The following ASMTL variants were observed in gnomAD, a reference collection of about 807,000 sequenced individuals.
ASMTL encodes the protein probable bifunctional dTTP/UTP pyrophosphatase/methyltransferase protein.
A neutral mutation model predicts 60.3 loss-of-function variants in ASMTL; 57 were observed. The observed-to-expected ratio is 0.95, with a 90% CI of 0.76 to 1.18. The LOEUF (loss-of-function observed/expected upper bound fraction) is 1.18, where lower values mean the gene tolerates loss of function less well. ASMTL is among the 50% of genes most tolerant of loss of function. The probability of loss-of-function intolerance (pLI) is 0.00; values close to 1 mark genes in which losing one functional copy is unlikely to be tolerated. For missense variants in ASMTL, 981 were observed against 852.6 expected (o/e 1.15, Z -1.88); for synonymous variants, 419 against 373.0 (o/e 1.12, Z -1.42).
rs185672305 is a variant in ASMTL, at chrX:1,403,880, A to G, written c.1646-391T>C. Among the ~76,000 whole-genome samples the G allele has an allele frequency of 2.4e-3, 362 of 152,194 alleles. 2 individuals are homozygous for G. Among genetic ancestry groups the G allele is most frequent in the African/African-American group, 8.3e-3 (345 of 41,514 alleles). Reference sequence around the variant, plus strand: ...AAGTGATGGGGAGGTACATGGATGGATGGATAGATGGATGCATGTATGAGA... The same window carrying G: ...AAGTGATGGGGAGGTACATGGATGGGTGGATAGATGGATGCATGTATGAGA... On this transcript the variant is annotated intron_variant, in intron 12 of 12. Coordinates refer to ENST00000381317, the MANE Select transcript of ASMTL (RefSeq NM_004192.4).
chrX:1,417,523 G>A (rs1177776599), intron 11 of ASMTL, among the ~76,000 whole-genome samples: 5 of 149,084 alleles, frequency 3.4e-5, no homozygotes, highest in Admixed American at 1.3e-4. Flanking sequence ...ACACAGACAT[G>A]CACACACACA....
chrX:1,447,166 G>A (rs1226140955), intron 1 of ASMTL, among the ~76,000 whole-genome samples: 4 of 152,162 alleles, frequency 2.6e-5, no homozygotes, highest in Admixed American at 1.3e-4. Flanking sequence ...TTGGTGACCC[G>A]TAATAACCAC....
chrX:1,418,901 T>G, intron 10 of ASMTL, 81 bp downstream of exon 10: 1 of 1,562,048 alleles, frequency 6.4e-7, no homozygotes, highest in Non-Finnish European at 8.8e-7. Flanking sequence ...AAAAAGGCAG[T>G]TGGTAGGTGT....
intron 3 of ASMTL, among the ~76,000 whole-genome samples, chrX:1,437,195 G>A (rs1315613664): frequency 2.6e-4 from 40 of 152,098 alleles, no homozygotes; most frequent in Non-Finnish European, 5.0e-4. Context: ...CCAGGTGTGG[G>A]CAGGGCTGGT....
chrX:1,430,254 C>T (rs2090733810), intron 6 of ASMTL, among the ~76,000 whole-genome samples: 1 of 152,120 alleles, frequency 6.6e-6, no homozygotes, highest in South Asian at 2.1e-4. Flanking sequence ...TCAGGTGATC[C>T]GCCTGCCTCG....
chrX:1,408,123 C>T lies in ASMTL; in HGVS notation c.1645+4609G>A, dbSNP rs371572618. Among the ~76,000 whole-genome samples, 611 of 95,272 alleles carry T rather than the reference C, an allele frequency of 6.4e-3. 1 individual carries two copies. Among genetic ancestry groups the T allele is most frequent in the East Asian group, 0.028 (51 of 1,854 alleles). 62.5% of individuals were successfully genotyped at this position (95,272 alleles called of 152,430 possible). On this transcript the variant is annotated intron_variant, in intron 12 of 12. Coordinates refer to ENST00000381317, the MANE Select transcript of ASMTL (RefSeq NM_004192.4). ...GGCTGAGGCAGGAGGATCGCTTGAG[C>T]GCAGGAGGTCAAGGCTGCAGTGAAC...
chrX:1,419,178 C>T (rs1318383532), intron 9 of ASMTL, 64 bp from the exon 10 acceptor site: 4 of 1,582,984 alleles, frequency 2.5e-6, no homozygotes, highest in Non-Finnish European at 3.4e-6. Context: ...CCAGCCTCTC[C>T]CTGGGGGTCG....
chrX:1,437,392 A>G (rs1203512863), intron 3 of ASMTL, among the ~76,000 whole-genome samples: 2 of 142,560 alleles, frequency 1.4e-5, no homozygotes, highest in East Asian at 2.1e-4. Flanking sequence ...ATTCTTCCAT[A>G]ATCCTGGAGT....
chrX:1,442,264 G>A lies in ASMTL; in HGVS notation c.147C>T (p.Ala49=), dbSNP rs2091125174. 6.2e-7 allele frequency: 1 copy of A among 1,613,888 alleles called. No individual in the cohort carries two copies. The change falls in exon 2 of 13, where the codon GCC becomes GCT. Residue 49 remains alanine, a synonymous_variant. Coordinates refer to ENST00000381317, the MANE Select transcript of ASMTL (RefSeq NM_004192.4). ...PSKFKEKLDK[A]SFATPYGYAM... ...CGTACCCATACGGAGTAGCGAAGGAGGCTTTGTCCAGCTTCTCTTTAAACT... is the reference window on the plus strand; with the variant it reads ...CGTACCCATACGGAGTAGCGAAGGAAGCTTTGTCCAGCTTCTCTTTAAACT...
Position 1,413,011 on chromosome X carries a change from C to G in ASMTL, c.1523-157G>C, listed in dbSNP as rs192285394. ...TTCCTGAAGTACATCCCCGTGGGGA[C>G]TTGAACAGAGCTCCATGAGGAGCTG... On this transcript the variant is annotated intron_variant, in intron 11 of 12. Coordinates refer to ENST00000381317, the MANE Select transcript of ASMTL (RefSeq NM_004192.4). 4,514 of 779,140 alleles carry G rather than the reference C, an allele frequency of 5.8e-3. 20 individuals are homozygous for G. Among genetic ancestry groups the G allele is most frequent in the Non-Finnish European group, 8.1e-3 (3,767 of 464,562 alleles). 48.3% of individuals were successfully genotyped at this position (779,140 alleles called of 1,614,324 possible). A position where few individuals can be genotyped will look rare whatever the true frequency, so the allele number is the denominator to read the frequency against.
rs2090834739 is a variant in ASMTL, at chrX:1,432,758, GGT to G, written c.401-383_401-382del. Among the ~76,000 whole-genome samples the G allele has an allele frequency of 5.3e-5, 8 of 152,210 alleles. No individual in the cohort carries two copies. In the East Asian group the frequency reaches 5.8e-4, roughly 11 times the overall value. On this transcript the variant is annotated intron_variant, in intron 5 of 12. Transcript: ENST00000381317. ...GCAGGAGAATCGCTTGAACCCGGGA[GGT>G]GCAGGTTGCAGTGAGCCGAGATCGC...
intron 2 of ASMTL, among the ~76,000 whole-genome samples, chrX:1,439,514 G>A (rs73621894): frequency 0.068 from 10,346 of 152,210 alleles, 1,118 homozygotes; most frequent in African/African-American, 0.23. Context: ...CCAGAATTAA[G>A]GCCAAAAGGT....
chrX:1,432,018 A>G, intron 6 of ASMTL: 1 of 565,678 alleles, frequency 1.8e-6, no homozygotes, highest in Non-Finnish European at 3.2e-6. Flanking sequence ...GCGCCTCCCC[A>G]GTCCCCACCG....
At chrX:1,428,203 G>A in intron 6 of ASMTL, 82 bp from the exon 7 acceptor site, 1 of 1,496,532 alleles carries the variant, frequency 6.7e-7, no homozygotes, top group Non-Finnish European at 9.0e-7. Context: ...GGAGGCGGAG[G>A]TGGGTGGATC....
intron 8 of ASMTL, 89 bp from the exon 9 acceptor site, chrX:1,421,931 T>C (rs1469109844): frequency 1.6e-6 from 2 of 1,254,252 alleles, no homozygotes; most frequent in African/African-American, 1.5e-5. Context: ...GATGTTAAAA[T>C]AAACATCACC....
chrX:1,428,663 A>AAAT (rs2149316973), intron 6 of ASMTL, among the ~76,000 whole-genome samples: 1 of 150,942 alleles, frequency 6.6e-6, no homozygotes, highest in African/African-American at 2.4e-5. Context: ...ATAAATAAAT[A>AAAT]AATAAAATTT....
In ASMTL at chrX:1,432,743, C is replaced by T. The variant is rs1415622225; in HGVS notation, c.401-366G>A. Among the ~76,000 whole-genome samples the T allele has an allele frequency of 2.6e-5, 4 of 152,152 alleles. No homozygotes were observed. The East Asian group carries it at 5.8e-4, about 22-fold the overall frequency. On this transcript the variant is annotated intron_variant, in intron 5 of 12. Coordinates refer to ENST00000381317, the MANE Select transcript of ASMTL (RefSeq NM_004192.4). Reference sequence around the variant, plus strand: ...ACTCGGGAGGCTGAGGCAGGAGAATCGCTTGAACCCGGGAGGTGCAGGTTG... The same window carrying T: ...ACTCGGGAGGCTGAGGCAGGAGAATTGCTTGAACCCGGGAGGTGCAGGTTG...
rs1697650178 is a variant in ASMTL at position 1,405,575 on chromosome X, G to GATAGATGGATGCATGCATGAA, written c.1646-2087_1646-2086insTTCATGCATGCATCCATCTAT. On this transcript the variant is annotated intron_variant, in intron 12 of 12. Transcript: ENST00000381317. ...GATGGATAGATGGATGCATGCATGA[G>GATAGATGGATGCATGCATGAA]ATGGATGGATGGGTGAATAGATGGT... Among the ~76,000 whole-genome samples the GATAGATGGATGCATGCATGAA allele has an allele frequency of 8.0e-5, 12 of 150,802 alleles. No individual in the cohort carries two copies. The South Asian group carries it at 2.5e-3, about 32-fold the overall frequency.
chrX:1,403,432 C>T lies in ASMTL; in HGVS notation c.1703G>A (p.Arg568His), dbSNP rs11553055. 3.8e-3 allele frequency: 6,057 copies of T among 1,613,216 alleles called. 199 individuals are homozygous for T. The African/African-American group carries it at 0.07, about 19-fold the overall frequency. ...LLDEEKRVAQ[R>H]ALMQSLNMLV... ...CATGTTCAGTGACTGCATCAGGGCG[C>T]GCTGCGCCACCCTCTTCTCCTCATC... The change falls in exon 13 of 13, where the codon CGC becomes CAC. Residue 568 changes from arginine (R) to histidine (H), a missense_variant. Coordinates refer to ENST00000381317, the MANE Select transcript of ASMTL (RefSeq NM_004192.4).
Sources: allele counts gnomAD v4.1 joint callset (sites outside exome capture counted in the v4.1 genomes callset), GRCh38; gene constraint gnomAD v4.1.1; transcripts MANE v1.5; gene names NCBI Gene and HGNC (gene_info 2026-07-23, HGNC 2026-07-21).